Variants in ZFYVE9 observed in about 807,000 individuals in gnomAD.
ZFYVE9 encodes zinc finger FYVE domain-containing protein 9.
In ZFYVE9, 43 loss-of-function variants were observed where a neutral mutation model predicts 126.7. That is an observed-to-expected ratio of 0.34 (90% confidence interval 0.27 to 0.44). ZFYVE9 has a LOEUF of 0.44. Among genes scored for constraint, ZFYVE9 ranks in the 20% least tolerant of loss-of-function variants. The probability of loss-of-function intolerance (pLI) is 1.00; values close to 1 mark genes in which losing one functional copy is unlikely to be tolerated. For missense variants in ZFYVE9, 1,476 were observed against 1,697.0 expected (o/e 0.87, Z 2.29); for synonymous variants, 521 against 597.4 (o/e 0.87, Z 1.87).
intron 1 of ZFYVE9, among the ~76,000 whole-genome samples, chr1:52,174,900 G>C (rs1222559926): frequency 1.3e-5 from 2 of 152,164 alleles, no homozygotes; most frequent in African/African-American, 2.4e-5. Flanking sequence ...ATGTGTGTCT[G>C]TGCACGTGAG....
At position 52,319,878 on chromosome 1, in the gene ZFYVE9, T is replaced by C. The variant is rs139938547; in HGVS notation, c.3439-12890T>C. Among the ~76,000 whole-genome samples the C allele has an allele frequency of 7.2e-3, 1,085 of 150,404 alleles. 13 individuals carry two copies. Among genetic ancestry groups the C allele is most frequent in the African/African-American group, 0.025 (1,033 of 41,074 alleles). On this transcript the variant is annotated intron_variant, in intron 13 of 18. Transcript: ENST00000287727. Reference sequence around the variant, plus strand: ...AAATACAAAAATAAGCTGGGCGTGGTAATGTGTGCCTGTAATCTCAGCTAC... The same window carrying C: ...AAATACAAAAATAAGCTGGGCGTGGCAATGTGTGCCTGTAATCTCAGCTAC...
chr1:52,304,811 A>T (rs1213305043), intron 13 of ZFYVE9, among the ~76,000 whole-genome samples: 15 of 151,054 alleles, frequency 9.9e-5, no homozygotes, highest in Admixed American at 9.2e-4. Context: ...TTTTTTAAGG[A>T]TATTAGAAAA....
intron 5 of ZFYVE9, 85 bp from the exon 6 acceptor site, chr1:52,266,570 C>T: frequency 8.4e-7 from 1 of 1,194,318 alleles, no homozygotes; most frequent in South Asian, 1.7e-5. Flanking sequence ...TTAGGAGAAG[C>T]TGCATTATTT....
chr1:52,276,259 C>T (rs1645747848), intron 8 of ZFYVE9, among the ~76,000 whole-genome samples: 1 of 152,248 alleles, frequency 6.6e-6, no homozygotes, highest in East Asian at 1.9e-4. Context: ...CATTTATTAT[C>T]AACTTTATTT....
At chr1:52,244,150 T>A (rs1645361464) in intron 4 of ZFYVE9, among the ~76,000 whole-genome samples, 1 of 151,832 alleles carries the variant, frequency 6.6e-6, no homozygotes, top group Non-Finnish European at 1.5e-5. Flanking sequence ...TGGGAATGGG[T>A]TGAAAGTGGA....
At chr1:52,286,376 G>C (rs1203659031) in intron 10 of ZFYVE9, among the ~76,000 whole-genome samples, 1 of 152,016 alleles carries the variant, frequency 6.6e-6, no homozygotes, top group African/African-American at 2.4e-5. Context: ...TAAACTACAG[G>C]TATTTAATAA....
At chr1:52,174,426 A>G (rs1324696922) in intron 1 of ZFYVE9, among the ~76,000 whole-genome samples, 1 of 151,862 alleles carries the variant, frequency 6.6e-6, no homozygotes, top group Non-Finnish European at 1.5e-5. Context: ...ACTTCCAACT[A>G]TGTGGTCAAT....
intron 1 of ZFYVE9, among the ~76,000 whole-genome samples, chr1:52,206,328 A>C (rs1644977596): frequency 6.6e-6 from 1 of 152,158 alleles, no homozygotes; most frequent in Non-Finnish European, 1.5e-5. Flanking sequence ...TGATGAAAGT[A>C]TATGTGTGTA....
At chr1:52,236,522 C>T (rs1001263780) in intron 3 of ZFYVE9, among the ~76,000 whole-genome samples, 3 of 152,132 alleles carry the variant, frequency 2.0e-5, no homozygotes, top group Non-Finnish European at 4.4e-5. Context: ...GCACTGAGTG[C>T]ATTGTTCCTT....
chr1:52,270,035 CT>C (rs140716622), intron 7 of ZFYVE9, among the ~76,000 whole-genome samples: 5,944 of 152,236 alleles, frequency 0.039, 159 homozygotes, highest in South Asian at 0.076. Context: ...TCTTCATCAA[CT>C]TAACCATTTT....
chr1:52,242,029 A>ATATT (rs1645338681), intron 4 of ZFYVE9, among the ~76,000 whole-genome samples: 1 of 136,074 alleles, frequency 7.3e-6, no homozygotes, highest in Non-Finnish European at 1.6e-5. Context: ...TGTCATGGCA[A>ATATT]TCTTTTTTTT....
At chr1:52,296,457 G>C (rs1244051001) in intron 12 of ZFYVE9, among the ~76,000 whole-genome samples, 3 of 152,048 alleles carry the variant, frequency 2.0e-5, no homozygotes, top group Non-Finnish European at 4.4e-5. Flanking sequence ...GCCCTCTGCT[G>C]ATGGATCTGA....
At chr1:52,149,386 G>A (rs745591305) in intron 1 of ZFYVE9, among the ~76,000 whole-genome samples, 5 of 151,760 alleles carry the variant, frequency 3.3e-5, no homozygotes, top group Non-Finnish European at 7.4e-5. Context: ...GAGCCACCGC[G>A]CCTGGGCAAT....
At chr1:52,332,658 C>G (rs534331825) in intron 13 of ZFYVE9, 110 bp from the exon 14 acceptor site, 14 of 1,328,718 alleles carry the variant, frequency 1.1e-5, no homozygotes, top group Admixed American at 2.7e-5. Context: ...CTTTTTGTCA[C>G]TTTAATACGT....
intron 1 of ZFYVE9, among the ~76,000 whole-genome samples, chr1:52,161,137 C>A (rs1281242541): frequency 3.3e-5 from 5 of 152,064 alleles, no homozygotes; most frequent in African/African-American, 1.2e-4. Context: ...CCTGCTTATC[C>A]ATAGTTCCAA....
intron 1 of ZFYVE9, among the ~76,000 whole-genome samples, chr1:52,195,119 G>C (rs1644848812): frequency 6.6e-6 from 1 of 152,128 alleles, no homozygotes; most frequent in Non-Finnish European, 1.5e-5. Flanking sequence ...AATAAATTCA[G>C]ATATACTATA....
chr1:52,317,923 A>G (rs1204123113), intron 13 of ZFYVE9, among the ~76,000 whole-genome samples: 1 of 152,192 alleles, frequency 6.6e-6, no homozygotes, highest in Non-Finnish European at 1.5e-5. Context: ...ATTGTTTAAA[A>G]CCTTCTCACA....
chr1:52,255,925 TTTCTTTTCTTTTCTTTTC>T (rs1214361359), intron 4 of ZFYVE9, among the ~76,000 whole-genome samples: 2 of 116,534 alleles, frequency 1.7e-5, no homozygotes, highest in African/African-American at 9.3e-5. Flanking sequence ...TTTCTTTTCT[TTTCTTTTCTTTTCTTTTC>T]TTTTCTTTTC....
At chr1:52,298,895 C>G (rs373957303) in intron 12 of ZFYVE9, among the ~76,000 whole-genome samples, 1 of 150,272 alleles carries the variant, frequency 6.7e-6, no homozygotes, top group African/African-American at 2.5e-5. Flanking sequence ...CTGCAAGCTC[C>G]GCCTCCCGGG....
Sources: allele counts gnomAD v4.1 joint callset (sites outside exome capture counted in the v4.1 genomes callset), GRCh38; gene constraint gnomAD v4.1.1; transcripts MANE v1.5; gene names NCBI Gene and HGNC (gene_info 2026-07-23, HGNC 2026-07-21).